Variants in ASPHD1 observed in about 807,000 individuals in gnomAD.
ASPHD1 encodes aspartate beta-hydroxylase domain-containing protein 1.
A neutral mutation model predicts 28.3 loss-of-function variants in ASPHD1; 20 were observed. The ratio of observed to expected loss-of-function variants is 0.71; its 90% CI spans 0.50 to 1.03. The LOEUF (loss-of-function observed/expected upper bound fraction) is 1.03, where lower values mean the gene tolerates loss of function less well. Ranked by LOEUF, ASPHD1 falls within the 50% of genes least tolerant of loss-of-function variation. The pLI is 0.00. For synonymous variants in ASPHD1, 240 were observed against 221.2 expected, an observed-to-expected ratio of 1.08 and a Z score of -0.75; for missense variants, 479 against 524.1, an observed-to-expected ratio of 0.91 and a Z score of 0.84.
chr16:29,904,266 C>T (rs1429860697), intron 1 of ASPHD1, among the ~76,000 whole-genome samples: 3 of 151,788 alleles, frequency 2.0e-5, no homozygotes, highest in Non-Finnish European at 2.9e-5. Flanking sequence ...GCCAACATGG[C>T]GAAACCCCAT....
chr16:29,901,074 C>G lies in ASPHD1; in HGVS notation c.103C>G (p.Gln35Glu), dbSNP rs2068536653. Residue 35 changes from glutamine (Q) to glutamate (E), a missense_variant, in exon 1 of 3, where the codon CAG (glutamine) becomes GAG (glutamate). By Grantham distance (29) the Gln-to-Glu change is conservative. Coordinates refer to ENST00000308748, the MANE Select transcript of ASPHD1 (RefSeq NM_181718.4). This position sits in a 1 kb window ranked among gnomAD's most constrained non-coding sequence, Gnocchi z 5.1. Reference sequence around the variant, plus strand: ...GAAGGGAAACAGTCCAGCGGGGAGCCAGGGGGCAGCCATGGAAGGGACAGG... The same window carrying G: ...GAAGGGAAACAGTCCAGCGGGGAGCGAGGGGGCAGCCATGGAAGGGACAGG... Reference protein sequence around the residue: ...MWKGNSPAGSQGAAMEGTGGE... With the variant: ...MWKGNSPAGSEGAAMEGTGGE... 1.9e-6 allele frequency: 3 copies of G among 1,609,908 alleles called. No homozygotes were observed. The highest frequency in any genetic ancestry group is 2.5e-6 in the Non-Finnish European group (3 of 1,178,266).
At chr16:29,907,067 G>A (rs748155167), downstream of ASPHD1, 12 of 1,612,376 alleles carry the variant, frequency 7.4e-6, no homozygotes, top group African/African-American at 1.3e-4. Flanking sequence ...AGATGAGGAT[G>A]TTCAGGGTCT....
chr16:29,906,977 C>A (rs940323143), downstream of ASPHD1: 5 of 1,614,200 alleles, frequency 3.1e-6, no homozygotes, highest in Non-Finnish European at 4.2e-6. Context: ...CTTCATCCTC[C>A]CCGCGGCCAG....
At chr16:29,915,644 C>A (rs62056410) in intron 3 of ASPHD1, among the ~76,000 whole-genome samples, 2,282 of 151,872 alleles carry the variant, frequency 0.015, 22 homozygotes, top group Non-Finnish European at 0.022. Context: ...AAAAGAAAAT[C>A]TCTGCAAGGT....
intron 3 of ASPHD1, chr16:29,914,085 C>T (rs1055631352): frequency 6.6e-6 from 1 of 152,392 alleles, no homozygotes; most frequent in Middle Eastern, 3.4e-3. Context: ...TCGCCTCAGC[C>T]TCCCAAAGTG....
chr16:29,905,990 T>TGGGGG lies in ASPHD1; in HGVS notation c.*96_*97insGGGGG. On this transcript the variant is annotated 3_prime_UTR_variant, in exon 3 of 3. Coordinates refer to ENST00000308748, the MANE Select transcript of ASPHD1 (RefSeq NM_181718.4). ...CAGGACCTCCTCTCTACTGCGGGGG[T>TGGGGG]GGGCGGGGGCGGAGGATGGGAACTG... The TGGGGG allele has an allele frequency of 4.7e-6, 2 of 428,264 alleles. No individual in the cohort carries two copies. Among genetic ancestry groups the TGGGGG allele is most frequent in the Non-Finnish European group, 4.4e-6 (1 of 224,722 alleles). The allele number at this position is 428,264 out of a possible 1,614,324, so 26.5% of individuals were successfully genotyped here.
At chr16:29,909,338 G>A (rs575840329), downstream of ASPHD1, among the ~76,000 whole-genome samples, 149 of 152,306 alleles carry the variant, frequency 9.8e-4, 1 homozygote, top group African/African-American at 3.5e-3. Context: ...AAGTTCATTA[G>A]GCAGATAGAA....
Position 29,901,885 on chromosome 16 carries a change from G to A in ASPHD1, c.914G>A (p.Cys305Tyr), listed in dbSNP as rs760920251. The change falls in exon 1 of 3, where the codon TGT (cysteine) becomes TAT (tyrosine). Residue 305 changes from cysteine to tyrosine, a missense_variant. Physicochemically the swap from Cys to Tyr is radical, Grantham distance 194. Coordinates refer to ENST00000308748, the MANE Select transcript of ASPHD1 (RefSeq NM_181718.4). This position sits in a 1 kb window ranked among gnomAD's most constrained non-coding sequence, Gnocchi z 5.1. ...CCTGGGGCCCGGCTCGAGGGCCGCT[G>A]TGGGCCCACCAATGCCCGGGTCAGA... ...LLPGARLEGR[C>Y]GPTNARVRCH... 3.3e-6 allele frequency: 5 copies of A among 1,523,218 alleles called. No homozygotes were observed. The East Asian group carries it at 1.2e-4, about 36-fold the overall frequency. 94.4% of individuals were successfully genotyped at this position (1,523,218 alleles called of 1,614,324 possible).
chr16:29,908,094 G>A (rs935414813), downstream of ASPHD1, among the ~76,000 whole-genome samples: 1 of 152,134 alleles, frequency 6.6e-6, no homozygotes, highest in South Asian at 2.1e-4. Flanking sequence ...AAGGACTCCA[G>A]GGAAGGCCTC....
chr16:29,906,926 G>C, downstream of ASPHD1: 1 of 1,614,146 alleles, frequency 6.2e-7, no homozygotes, highest in Non-Finnish European at 8.5e-7. Context: ...GGGTGATATG[G>C]CGCCGGACAT....
Position 29,905,852 on chromosome 16 carries a change from G to A in ASPHD1, c.1128G>A (p.Gly376=). The A allele has an allele frequency of 6.2e-7, 1 of 1,613,810 alleles. No individual in the cohort carries two copies. The highest frequency in any genetic ancestry group is 8.5e-7 in the Non-Finnish European group (1 of 1,179,888). The change falls in exon 3 of 3, where the codon GGG becomes GGA. Residue 376 remains glycine (G), a synonymous_variant. Transcript: ENST00000308748. ...IVDLWHPNVA[G]AERQALDFVF... The stretch of plus-strand genomic sequence containing the variant: ...ACCTCTGGCACCCCAACGTGGCAGG[G>A]GCTGAGCGCCAGGCCCTCGACTTTG...
intron 3 of ASPHD1, chr16:29,914,304 A>G (rs1399039765): frequency 6.6e-6 from 1 of 151,438 alleles, no homozygotes; most frequent in East Asian, 1.9e-4. Context: ...TATACTCACC[A>G]CCTTCCAGGA....
chr16:29,904,770 A>C, intron 1 of ASPHD1, 82 bp from the exon 2 acceptor site: 21 of 828,938 alleles, frequency 2.5e-5, no homozygotes, highest in Non-Finnish European at 3.7e-5. Context: ...TAAGACACTT[A>C]GAGCTAGTTG....
chr16:29,907,079 C>T (rs376739391), downstream of ASPHD1: 172 of 1,610,690 alleles, frequency 1.1e-4, no homozygotes, highest in Non-Finnish European at 1.4e-4. Context: ...TCAGGGTCTC[C>T]TCGAAGATCC....
Position 29,900,615 on chromosome 16 carries a change from C to G in ASPHD1, c.-357C>G, listed in dbSNP as rs776653562. The G allele has an allele frequency of 6.3e-6, 2 of 316,816 alleles. No homozygotes were observed. Among genetic ancestry groups the G allele is most frequent in the Non-Finnish European group, 1.2e-5 (2 of 170,548 alleles). The allele number at this position is 316,816 out of a possible 1,614,324, so 19.6% of individuals were successfully genotyped here. On this transcript the variant is annotated 5_prime_UTR_variant, in exon 1 of 3. Coordinates refer to ENST00000308748, the MANE Select transcript of ASPHD1 (RefSeq NM_181718.4). The stretch of plus-strand genomic sequence containing the variant: ...CGAGTAGGAGAGAGGGAGCGAGAGC[C>G]AGGCAGGACCGCAGGGTCGGGGCTA...
chr16:29,905,796 G>C lies in ASPHD1; in HGVS notation c.1072G>C (p.Glu358Gln). 1.7e-5 allele frequency: 27 copies of C among 1,613,696 alleles called. No individual in the cohort carries two copies. The highest frequency in any genetic ancestry group is 2.3e-5 in the Non-Finnish European group (27 of 1,179,738). Residue 358 changes from glutamate (E) to glutamine (Q), a missense_variant, in exon 3 of 3, where the codon GAA becomes CAA. Physicochemically the swap from Glu to Gln is conservative, Grantham distance 29. Transcript: ENST00000308748. ...LHTVAHNGSP[E>Q]DGPRVVFIVD... The stretch of plus-strand genomic sequence containing the variant: ...TGTCCCATGTGCCCTAGGCTCCCCC[G>C]AAGATGGGCCTCGAGTGGTCTTCAT...
intron 1 of ASPHD1, among the ~76,000 whole-genome samples, chr16:29,904,034 C>T (rs977164801): frequency 6.8e-6 from 1 of 147,378 alleles, no homozygotes; most frequent in African/African-American, 2.4e-5. Context: ...TGCCAGGTGC[C>T]GTGGCTCATC....
In ASPHD1 at chr16:29,905,918, C is replaced by A; in HGVS notation, c.*21C>A. ...CTTGAAGGAAGGTGCTCCCTTCACA[C>A]ACCCAGGCTGGAGAGACACTGCGCT... On this transcript the variant is annotated 3_prime_UTR_variant, in exon 3 of 3. Coordinates refer to ENST00000308748, the MANE Select transcript of ASPHD1 (RefSeq NM_181718.4). The A allele has an allele frequency of 6.3e-7, 1 of 1,587,876 alleles. No individual in the cohort carries two copies. Among genetic ancestry groups the A allele is most frequent in the Non-Finnish European group, 8.6e-7 (1 of 1,158,432 alleles).
intron 3 of ASPHD1, chr16:29,911,353 C>A (rs962887594): frequency 4.9e-6 from 3 of 610,264 alleles, no homozygotes; most frequent in Non-Finnish European, 8.7e-6. Context: ...AAGCCACATG[C>A]GCTGAGCAAA....
Sources: gnomAD v4.1 joint callset for allele counts (sites outside exome capture counted in the v4.1 genomes callset) on GRCh38, gnomAD v4.1.1 for gene constraint, Gnocchi (gnomAD v3.1) non-coding constraint, MANE v1.5 for transcripts, NCBI Gene and HGNC (gene_info 2026-07-23, HGNC 2026-07-21) for gene names.